NRG1: variants seen among roughly 807,000 people sequenced by gnomAD.
The protein encoded by NRG1 is neuregulin 1, also known as pro-neuregulin-1, membrane-bound isoform.
In NRG1, 18 loss-of-function variants were observed where a neutral mutation model predicts 63.8. The observed-to-expected ratio is 0.28, with a 90% CI of 0.19 to 0.42. The LOEUF (loss-of-function observed/expected upper bound fraction) is 0.42, where lower values mean the gene tolerates loss of function less well. Among genes scored for constraint, NRG1 ranks in the 10% least tolerant of loss-of-function variants. The pLI, the probability that NRG1 is intolerant of heterozygous loss-of-function variation, is 1.00. For missense variants in NRG1, 762 were observed against 814.7 expected (o/e 0.94, Z 0.79); for synonymous variants, 302 against 301.3 (o/e 1.00, Z -0.02).
At chr8:32,655,665 T>G (rs1801311979) in intron 5 of NRG1, among the ~76,000 whole-genome samples, 1 of 152,142 alleles carries the variant, frequency 6.6e-6, no homozygotes, top group African/African-American at 2.4e-5. Flanking sequence ...AAAGGAGTAT[T>G]TTTTCCCTTA....
intron 1 of NRG1, among the ~76,000 whole-genome samples, chr8:31,994,258 G>T (rs1446450390): frequency 1.3e-5 from 2 of 151,920 alleles, no homozygotes; most frequent in Non-Finnish European, 1.5e-5. Flanking sequence ...GAACCCAATG[G>T]ATGGACACTG....
intron 1 of NRG1, among the ~76,000 whole-genome samples, chr8:31,956,045 A>C (rs1196654456): frequency 2.0e-5 from 3 of 150,794 alleles, no homozygotes; most frequent in Non-Finnish European, 4.4e-5. Flanking sequence ...TGTCTCAAAA[A>C]AAAAAAAACA....
At chr8:31,708,445 T>TA (rs1563314233) in intron 1 of NRG1, among the ~76,000 whole-genome samples, 2 of 106,398 alleles carry the variant, frequency 1.9e-5, no homozygotes, top group Non-Finnish European at 4.0e-5. Context: ...TAAACATAAT[T>TA]GTTTTTTTTT....
At chr8:32,671,247 C>T (rs1328104015) in intron 5 of NRG1, among the ~76,000 whole-genome samples, 1 of 151,722 alleles carries the variant, frequency 6.6e-6, no homozygotes, top group Non-Finnish European at 1.5e-5. Context: ...TTTTGCTTTT[C>T]CTCACCTCTT....
intron 1 of NRG1, among the ~76,000 whole-genome samples, chr8:32,091,286 A>AT (rs1829113567): frequency 6.6e-6 from 1 of 151,952 alleles, no homozygotes; most frequent in African/African-American, 2.4e-5. Context: ...TCAAAAAAAA[A>AT]AAAAAAGAAG....
intron 5 of NRG1, among the ~76,000 whole-genome samples, chr8:32,709,745 G>A (rs1817349858): frequency 6.6e-6 from 1 of 151,936 alleles, no homozygotes; most frequent in Admixed American, 6.6e-5. Flanking sequence ...TATATTTTTT[G>A]TCTCAAGAGG....
At chr8:32,213,225 T>C (rs998230120) in intron 1 of NRG1, among the ~76,000 whole-genome samples, 12 of 152,156 alleles carry the variant, frequency 7.9e-5, no homozygotes, top group South Asian at 2.1e-4. Context: ...ATACCCATCA[T>C]TGATAGACTG....
chr8:32,614,501 C>A lies in NRG1; in HGVS notation c.401-13C>A. ...TTTATATATCATAATGTCCTATCAC[C>A]TTTTTTTTTCAGAGATCATCACTGG... On this transcript the variant is annotated splice_polypyrimidine_tract_variant and intron_variant, in intron 3 of 11. Coordinates refer to ENST00000356819, the Ensembl canonical transcript of NRG1. 1 of 1,573,322 alleles carries A rather than the reference C, an allele frequency of 6.4e-7. No homozygotes were observed. The highest frequency in any genetic ancestry group is 8.7e-7 in the Non-Finnish European group (1 of 1,150,894).
At chr8:32,094,938 G>C (rs981515595) in intron 1 of NRG1, among the ~76,000 whole-genome samples, 2 of 148,512 alleles carry the variant, frequency 1.3e-5, no homozygotes, top group Non-Finnish European at 3.0e-5. Context: ...TTTGAGATGG[G>C]GTCTCGCTCT....
chr8:31,810,586 T>A (rs771320452), intron 1 of NRG1, among the ~76,000 whole-genome samples: 3 of 152,184 alleles, frequency 2.0e-5, no homozygotes, highest in Non-Finnish European at 4.4e-5. Flanking sequence ...TAGATATTAC[T>A]TGGCTTCCTC....
intron 11 of NRG1, chr8:32,763,091 C>A: frequency 1.0e-6 from 1 of 980,066 alleles, no homozygotes; most frequent in Non-Finnish European, 1.5e-6. Flanking sequence ...TTGTTGGACA[C>A]TGGGATGGAT....
At chr8:32,083,161 C>T (rs1029539720) in intron 1 of NRG1, among the ~76,000 whole-genome samples, 2 of 152,154 alleles carry the variant, frequency 1.3e-5, no homozygotes, top group Non-Finnish European at 2.9e-5. Flanking sequence ...AGCTTAGTAT[C>T]ATGTGTAATT....
chr8:32,178,866 C>A (rs566000088), intron 1 of NRG1, among the ~76,000 whole-genome samples: 1 of 151,642 alleles, frequency 6.6e-6, no homozygotes, highest in Non-Finnish European at 1.5e-5. Flanking sequence ...ACACATGAAA[C>A]ATATAAGACT....
intron 1 of NRG1, among the ~76,000 whole-genome samples, chr8:32,453,975 G>A (rs1301270552): frequency 2.0e-5 from 3 of 152,110 alleles, no homozygotes; most frequent in Non-Finnish European, 2.9e-5. Flanking sequence ...ACAAATTTTA[G>A]TTTTCTCTAA....
chr8:32,548,391 A>C (rs1833372169), exon 1 of NRG1: 11 of 1,057,996 alleles, frequency 1.0e-5, no homozygotes, highest in African/African-American at 1.7e-5. Flanking sequence ...CGTGAGCAGG[A>C]CGGTGATAAC....
At chr8:32,318,460 A>G (rs1256892495) in intron 1 of NRG1, among the ~76,000 whole-genome samples, 1 of 152,134 alleles carries the variant, frequency 6.6e-6, no homozygotes, top group Non-Finnish European at 1.5e-5. Context: ...GTTTTTGCAT[A>G]AGGAGACATT....
At chr8:32,249,295 A>G (rs1848870355) in intron 1 of NRG1, among the ~76,000 whole-genome samples, 1 of 152,082 alleles carries the variant, frequency 6.6e-6, no homozygotes. Context: ...TACTCTAACA[A>G]TGAGTGGTGA....
At chr8:31,839,336 G>C (rs931595379) in intron 1 of NRG1, among the ~76,000 whole-genome samples, 1 of 152,134 alleles carries the variant, frequency 6.6e-6, no homozygotes, top group Non-Finnish European at 1.5e-5. Context: ...GAAGAGCAAA[G>C]TGTCAAGTAA....
intron 1 of NRG1, among the ~76,000 whole-genome samples, chr8:31,854,914 G>A (rs1230943900): frequency 1.3e-5 from 2 of 152,172 alleles, no homozygotes; most frequent in African/African-American, 2.4e-5. Flanking sequence ...CCATGTAGCT[G>A]AGCGGTTTTG....
Sources: gnomAD v4.1 joint callset for allele counts (sites outside exome capture counted in the v4.1 genomes callset) on GRCh38, gnomAD v4.1.1 for gene constraint, MANE v1.5 for transcripts, NCBI Gene and HGNC (gene_info 2026-07-23, HGNC 2026-07-21) for gene names.